The following FOXJ3 variants were observed in gnomAD, a reference collection of about 807,000 sequenced individuals.
FOXJ3 encodes forkhead box J3.
In FOXJ3, 22 loss-of-function variants were observed where a neutral mutation model predicts 76.1. The observed-to-expected ratio is 0.29, with a 90% CI of 0.21 to 0.41. The LOEUF (loss-of-function observed/expected upper bound fraction) is 0.41, where lower values mean the gene tolerates loss of function less well. Among genes scored for constraint, FOXJ3 ranks in the 10% least tolerant of loss-of-function variants. The pLI, the probability that FOXJ3 is intolerant of heterozygous loss-of-function variation, is 1.00. For synonymous variants in FOXJ3, 269 were observed against 261.2 expected (o/e 1.03, Z -0.29); for missense variants, 613 against 762.1 (o/e 0.80, Z 2.30).
intron 2 of FOXJ3, among the ~76,000 whole-genome samples, chr1:42,297,474 C>T (rs915345240): frequency 2.0e-5 from 3 of 152,044 alleles, no homozygotes; most frequent in Non-Finnish European, 2.9e-5. Flanking sequence ...TGTTATGAAG[C>T]GATGTTGGAT....
At chr1:42,274,293 A>G (rs1292930127) in intron 3 of FOXJ3, among the ~76,000 whole-genome samples, 1 of 152,242 alleles carries the variant, frequency 6.6e-6, no homozygotes, top group African/African-American at 2.4e-5. Context: ...TTTATTCGGT[A>G]TATCCTCCAC....
chr1:42,299,342 C>T (rs999619008), intron 2 of FOXJ3, among the ~76,000 whole-genome samples: 1 of 150,554 alleles, frequency 6.6e-6, no homozygotes, highest in Admixed American at 6.7e-5. Flanking sequence ...TTGTATCAAA[C>T]CCTTTATCAT....
rs1649491844 is a variant in FOXJ3 at position 42,245,650 on chromosome 1, C to T, written c.445-17684G>A. On this transcript the variant is annotated intron_variant, in intron 4 of 12. Coordinates refer to ENST00000361346, the MANE Select transcript of FOXJ3 (RefSeq NM_014947.5). ...TCATAAGAATTCTCATGAAATCAGG[C>T]ATAACAAAAACACACCTCAACATAA... 2.6e-5 allele frequency among the ~76,000 whole-genome samples: 4 copies of T among 152,160 alleles called. No homozygotes were observed. The South Asian group carries it at 8.3e-4, about 32-fold the overall frequency.
chr1:42,223,746 G>A (rs1378676101), intron 5 of FOXJ3, among the ~76,000 whole-genome samples: 2 of 152,160 alleles, frequency 1.3e-5, no homozygotes, highest in Non-Finnish European at 2.9e-5. Flanking sequence ...TGAATTAATG[G>A]AGGGAATTCT....
chr1:42,303,704 G>T (rs75128430), intron 2 of FOXJ3, among the ~76,000 whole-genome samples: 1 of 152,314 alleles, frequency 6.6e-6, no homozygotes, highest in African/African-American at 2.4e-5. Flanking sequence ...AGAAAAATGT[G>T]AGCAGAAGTG....
intron 6 of FOXJ3, among the ~76,000 whole-genome samples, chr1:42,205,220 A>T (rs993480867): frequency 6.6e-6 from 1 of 152,200 alleles, no homozygotes; most frequent in Non-Finnish European, 1.5e-5. Context: ...CCTGTATCCC[A>T]CTAGGTATAT....
chr1:42,228,009 C>T (rs1428764492), intron 4 of FOXJ3, 43 bp from the exon 5 acceptor site: 1 of 1,005,902 alleles, frequency 9.9e-7, no homozygotes, highest in African/African-American at 1.6e-5. Flanking sequence ...TACAGCAAAC[C>T]TATGATATTA....
intron 5 of FOXJ3, among the ~76,000 whole-genome samples, chr1:42,212,583 T>C (rs1014738479): frequency 1.3e-5 from 2 of 152,058 alleles, no homozygotes; most frequent in East Asian, 3.8e-4. Flanking sequence ...TATGGGATTA[T>C]GTAAAAGAGC....
intron 4 of FOXJ3, among the ~76,000 whole-genome samples, chr1:42,247,135 T>C (rs1649617135): frequency 6.6e-6 from 1 of 152,158 alleles, no homozygotes. Context: ...CAATGTATTG[T>C]TTATTTCAAA....
chr1:42,202,517 G>C, intron 6 of FOXJ3, among the ~76,000 whole-genome samples: 1 of 152,182 alleles, frequency 6.6e-6, no homozygotes, highest in East Asian at 1.9e-4. Flanking sequence ...AAGGAATAAA[G>C]AATAGCAGAA....
chr1:42,304,637 A>T (rs1654351363), intron 2 of FOXJ3, among the ~76,000 whole-genome samples: 1 of 152,230 alleles, frequency 6.6e-6, no homozygotes, highest in Non-Finnish European at 1.5e-5. Flanking sequence ...TTCCAAGAGC[A>T]TACAATGGAA....
At chr1:42,318,508 ATT>A (rs995417426) in intron 1 of FOXJ3, among the ~76,000 whole-genome samples, 3 of 151,758 alleles carry the variant, frequency 2.0e-5, no homozygotes, top group African/African-American at 7.3e-5. Flanking sequence ...TGTCTGGCTA[ATT>A]TTTTTTGTAT....
chr1:42,252,990 G>A (rs1650227240), intron 4 of FOXJ3, among the ~76,000 whole-genome samples: 3 of 151,216 alleles, frequency 2.0e-5, no homozygotes, highest in Non-Finnish European at 4.4e-5. Flanking sequence ...AGGAAATAAA[G>A]GGTATTCAAT....
rs1369315526 is a variant in FOXJ3 at position 42,299,941 on chromosome 1, C to T, written c.44+11109G>A. On this transcript the variant is annotated intron_variant, in intron 2 of 12. Transcript: ENST00000361346. ...TATATAGGACAGGCACAGTGGCTCACACCGTAATCCGAGCACTTTGGAAGG... is the reference window on the plus strand; with the variant it reads ...TATATAGGACAGGCACAGTGGCTCATACCGTAATCCGAGCACTTTGGAAGG... Among the ~76,000 whole-genome samples the T allele has an allele frequency of 2.6e-5, 4 of 152,124 alleles. No homozygotes were observed. In the East Asian group the frequency reaches 7.8e-4, roughly 30 times the overall value.
intron 2 of FOXJ3, among the ~76,000 whole-genome samples, chr1:42,285,060 G>C (rs1054334402): frequency 2.0e-5 from 3 of 152,180 alleles, no homozygotes; most frequent in East Asian, 3.9e-4. Context: ...ACTGTATTTT[G>C]ATATAATTAA....
At chr1:42,256,798 G>GT in intron 4 of FOXJ3, among the ~76,000 whole-genome samples, 1 of 152,240 alleles carries the variant, frequency 6.6e-6, no homozygotes, top group Non-Finnish European at 1.5e-5. Flanking sequence ...TATTAATAGC[G>GT]TAAAACTGAA....
chr1:42,229,954 T>C (rs1201612185), intron 4 of FOXJ3, among the ~76,000 whole-genome samples: 1 of 152,188 alleles, frequency 6.6e-6, no homozygotes, highest in Non-Finnish European at 1.5e-5. Flanking sequence ...GGGGAAACCA[T>C]TCAATGTCCA....
At chr1:42,324,079 A>ACTGT (rs1553170567) in intron 1 of FOXJ3, among the ~76,000 whole-genome samples, 2 of 74,302 alleles carry the variant, frequency 2.7e-5, no homozygotes, top group Admixed American at 2.5e-4. Flanking sequence ...GTGTATATAT[A>ACTGT]GTATATATAC....
At chr1:42,323,512 T>A (rs1355956001) in intron 1 of FOXJ3, among the ~76,000 whole-genome samples, 5 of 152,102 alleles carry the variant, frequency 3.3e-5, no homozygotes, top group African/African-American at 9.7e-5. Context: ...TTCTAAGTCT[T>A]TGACTATGCT....
Sources: allele counts gnomAD v4.1 joint callset (sites outside exome capture counted in the v4.1 genomes callset), GRCh38; gene constraint gnomAD v4.1.1; transcripts MANE v1.5; gene names NCBI Gene and HGNC (gene_info 2026-07-23, HGNC 2026-07-21).